The following ERP44 variants were observed in gnomAD, a reference collection of about 807,000 sequenced individuals.
The protein encoded by ERP44 is endoplasmic reticulum protein 44.
In ERP44, 25 loss-of-function variants were observed where a neutral mutation model predicts 53.4. The observed-to-expected ratio is 0.47, with a 90% CI of 0.34 to 0.65. The LOEUF is 0.65. ERP44 is among the 30% of genes least tolerant of loss of function. The pLI is 0.01. For missense variants in ERP44, 338 were observed against 493.2 expected (o/e 0.69, Z 2.98); for synonymous variants, 145 against 161.2 (o/e 0.90, Z 0.76).
intron 4 of ERP44, among the ~76,000 whole-genome samples, chr9:100,041,682 A>G (rs1825905058): frequency 6.6e-6 from 1 of 152,166 alleles, no homozygotes. Context: ...AACAACAACA[A>G]CAACAACAAT....
intron 4 of ERP44, among the ~76,000 whole-genome samples, chr9:100,032,726 C>G (rs1160713822): frequency 6.6e-6 from 1 of 152,160 alleles, no homozygotes; most frequent in Non-Finnish European, 1.5e-5. Flanking sequence ...TTTTGGCATC[C>G]ACAGACAATG....
At chr9:100,017,641 A>C (rs1160919151) in intron 7 of ERP44, among the ~76,000 whole-genome samples, 2 of 152,248 alleles carry the variant, frequency 1.3e-5, no homozygotes, top group African/African-American at 4.8e-5. Context: ...GAAAACTATA[A>C]ATTGAAAAAA....
intron 10 of ERP44, among the ~76,000 whole-genome samples, chr9:99,986,219 ACTAT>A (rs1466439174): frequency 3.9e-4 from 59 of 152,224 alleles, no homozygotes; most frequent in Admixed American, 3.9e-3. Context: ...GTTGGTTTTT[ACTAT>A]CTGTCTACCT....
intron 1 of ERP44, among the ~76,000 whole-genome samples, chr9:100,073,266 GT>G (rs893082928): frequency 6.6e-6 from 1 of 151,838 alleles, no homozygotes; most frequent in Non-Finnish European, 1.5e-5. Context: ...GCATGATCAA[GT>G]TTTTTTTAAA....
chr9:100,050,755 T>C lies in ERP44; in HGVS notation c.286+1662A>G, dbSNP rs1826028467. ...ATTGAAAAGCATCTGAACTGTGCTA[T>C]TTGCCCCCATAAAAAGAAAGCTTAC... On this transcript the variant is annotated intron_variant, in intron 4 of 11. Transcript: ENST00000262455. Among the ~76,000 whole-genome samples the C allele has an allele frequency of 7.9e-5, 12 of 152,350 alleles. No individual in the cohort carries two copies. In the South Asian group the frequency reaches 2.5e-3, roughly 32 times the overall value.
chr9:99,980,959 G>A lies in ERP44; in HGVS notation c.*1653C>T, dbSNP rs1226912801. ...ATTATTTTTTCAAACCCAGTTACAG[G>A]ATTACTATATTATTCCAGTTGATTG... On this transcript the variant is annotated 3_prime_UTR_variant, in exon 12 of 12. Transcript: ENST00000262455. The A allele has an allele frequency of 6.6e-6, 1 of 152,126 alleles. No homozygotes were observed. The highest frequency in any genetic ancestry group is 6.5e-5 in the Admixed American group (1 of 15,280). The allele number at this position is 152,126 out of a possible 1,614,324, so 9.4% of individuals were successfully genotyped here.
At chr9:100,094,737 C>T (rs1214523275) in intron 1 of ERP44, among the ~76,000 whole-genome samples, 1 of 151,798 alleles carries the variant, frequency 6.6e-6, no homozygotes, top group Non-Finnish European at 1.5e-5. Context: ...GGAAGGCAGG[C>T]AGATCAGTTG....
At chr9:100,012,745 T>C (rs1830488132) in intron 8 of ERP44, among the ~76,000 whole-genome samples, 2 of 152,304 alleles carry the variant, frequency 1.3e-5, no homozygotes, top group East Asian at 1.9e-4. Context: ...TTAAATGCTG[T>C]TGGCATAGAC....
intron 3 of ERP44, 49 bp downstream of exon 3, chr9:100,057,771 C>A (rs540862873): frequency 1.4e-6 from 2 of 1,416,392 alleles, no homozygotes; most frequent in Admixed American, 1.8e-5. Flanking sequence ...GAAAAATTAA[C>A]CTTTAGCAAG....
At position 99,982,416 on chromosome 9, in the gene ERP44, G is replaced by GTT. The variant is rs34197217; in HGVS notation, c.*194_*195dup. 131,269 of 226,572 alleles carry GTT rather than the reference G, an allele frequency of 0.58. 33,730 individuals are homozygous for GTT. The highest frequency in any genetic ancestry group is 0.76 in the African/African-American group (32,723 of 42,926). The allele number at this position is 226,572 out of a possible 1,614,324, so 14.0% of individuals were successfully genotyped here. On this transcript the variant is annotated 3_prime_UTR_variant, in exon 12 of 12. Transcript: ENST00000262455. Reference sequence around the variant, plus strand: ...GATTTTTATTTTTAAATCCTAGCAGGTTTTTTTTTTTTAAGAGGCTACTAT... The same window carrying GTT: ...GATTTTTATTTTTAAATCCTAGCAGGTTTTTTTTTTTTTTAAGAGGCTACTAT...
chr9:99,993,248 C>T (rs1377776341), intron 10 of ERP44, among the ~76,000 whole-genome samples: 2 of 152,196 alleles, frequency 1.3e-5, no homozygotes, highest in Non-Finnish European at 2.9e-5. Context: ...ATCACGCTAC[C>T]TGACTTCAAA....
intron 10 of ERP44, among the ~76,000 whole-genome samples, chr9:99,993,998 A>C (rs1400218899): frequency 6.6e-6 from 1 of 152,160 alleles, no homozygotes; most frequent in Non-Finnish European, 1.5e-5. Flanking sequence ...TAAGTCAGGA[A>C]ACAACAGGTG....
chr9:100,075,215 G>A (rs550516714), intron 1 of ERP44, among the ~76,000 whole-genome samples: 3 of 152,308 alleles, frequency 2.0e-5, no homozygotes, highest in African/African-American at 7.2e-5. Flanking sequence ...GAGGATTATC[G>A]TAAGCTTAAC....
chr9:100,020,300 C>T (rs1830573804), intron 6 of ERP44, among the ~76,000 whole-genome samples: 1 of 152,144 alleles, frequency 6.6e-6, no homozygotes, highest in Non-Finnish European at 1.5e-5. Flanking sequence ...ACTGTGGTTA[C>T]CCCACAGATT....
At chr9:100,098,357 GATC>G in intron 1 of ERP44, among the ~76,000 whole-genome samples, 2 of 152,256 alleles carry the variant, frequency 1.3e-5, no homozygotes, top group South Asian at 4.2e-4. Context: ...CCGCTTCAGG[GATC>G]TAGACCCAGT....
intron 2 of ERP44, among the ~76,000 whole-genome samples, chr9:100,059,078 A>G (rs1203637194): frequency 2.0e-5 from 3 of 152,196 alleles, no homozygotes; most frequent in South Asian, 4.1e-4. Context: ...GATACATGCT[A>G]AAGTTCATGG....
chr9:100,053,142 CTAAA>C (rs1249696408), intron 3 of ERP44, among the ~76,000 whole-genome samples: 1 of 152,108 alleles, frequency 6.6e-6, no homozygotes, highest in Non-Finnish European at 1.5e-5. Flanking sequence ...AGTTAACACA[CTAAA>C]TAAATAAGTT....
chr9:100,079,413 T>TACACACACAC (rs58110423), intron 1 of ERP44, among the ~76,000 whole-genome samples: 130 of 137,358 alleles, frequency 9.5e-4, no homozygotes, highest in East Asian at 4.9e-3. Context: ...AACTCCCCTT[T>TACACACACAC]ACACACACAC....
chr9:100,016,282 T>G (rs1830524856), intron 8 of ERP44, 40 bp downstream of exon 8: 2 of 1,565,970 alleles, frequency 1.3e-6, no homozygotes, highest in East Asian at 4.6e-5. Flanking sequence ...GTTTCAGACA[T>G]TTGAATTTAA....
Sources: allele counts gnomAD v4.1 joint callset (sites outside exome capture counted in the v4.1 genomes callset), GRCh38; gene constraint gnomAD v4.1.1; transcripts MANE v1.5; gene names NCBI Gene and HGNC (gene_info 2026-07-23, HGNC 2026-07-21).